CAMTA1: variants seen among roughly 807,000 people sequenced by gnomAD.
CAMTA1 encodes calmodulin binding transcription activator 1.
In CAMTA1, 27 loss-of-function variants were observed where a neutral mutation model predicts 170.9. That is an observed-to-expected ratio of 0.16 (90% CI 0.12 to 0.22). The LOEUF is 0.22. Ranked by LOEUF, CAMTA1 falls within the 10% of genes least tolerant of loss-of-function variation. The pLI is 1.00. For missense variants in CAMTA1, 1,619 were observed against 2,217.2 expected, an observed-to-expected ratio of 0.73 and a Z score of 5.42; for synonymous variants, 833 against 891.5, an observed-to-expected ratio of 0.93 and a Z score of 1.17.
chr1:7,601,631 T>C (rs995058142), intron 6 of CAMTA1, among the ~76,000 whole-genome samples: 1 of 152,210 alleles, frequency 6.6e-6, no homozygotes, highest in Admixed American at 6.5e-5. Context: ...ATCACGCCAC[T>C]GCACTCCAGC....
At chr1:7,120,795 G>T (rs1162391319) in intron 4 of CAMTA1, among the ~76,000 whole-genome samples, 3 of 152,200 alleles carry the variant, frequency 2.0e-5, no homozygotes, top group Non-Finnish European at 4.4e-5. Context: ...GGGTCAAGAG[G>T]TTTAATCGCA....
intron 6 of CAMTA1, among the ~76,000 whole-genome samples, chr1:7,488,841 C>T (rs2093659440): frequency 6.6e-6 from 1 of 152,166 alleles, no homozygotes; most frequent in East Asian, 1.9e-4. Flanking sequence ...CACATATGCA[C>T]ATGATATACA....
chr1:7,291,584 C>T (rs1043551096), intron 5 of CAMTA1, among the ~76,000 whole-genome samples: 7 of 152,246 alleles, frequency 4.6e-5, no homozygotes, highest in Admixed American at 1.3e-4. Flanking sequence ...GCTGGGAGAT[C>T]CCCTCTGGGT....
intron 9 of CAMTA1, among the ~76,000 whole-genome samples, chr1:7,667,767 A>G (rs1262255764): frequency 4.6e-5 from 7 of 151,312 alleles, no homozygotes; most frequent in African/African-American, 1.7e-4. Flanking sequence ...CTGGCAGCCC[A>G]GCAGAGGGAG....
At chr1:7,551,532 T>C (rs2094802863) in intron 6 of CAMTA1, among the ~76,000 whole-genome samples, 1 of 152,162 alleles carries the variant, frequency 6.6e-6, no homozygotes, top group Admixed American at 6.5e-5. Context: ...CAACTTCCTG[T>C]GTCCATCGGG....
chr1:6,800,761 T>C (rs1643675747), intron 1 of CAMTA1, among the ~76,000 whole-genome samples: 1 of 152,230 alleles, frequency 6.6e-6, no homozygotes, highest in Non-Finnish European at 1.5e-5. Context: ...TCATTGATCA[T>C]ATCACATCTT....
chr1:7,716,460 A>G (rs933189617), intron 11 of CAMTA1, among the ~76,000 whole-genome samples: 1 of 152,180 alleles, frequency 6.6e-6, no homozygotes, highest in Non-Finnish European at 1.5e-5. Flanking sequence ...TCATTCTACT[A>G]AGTTGGGAAG....
chr1:7,548,686 TG>T (rs1451716774), intron 6 of CAMTA1, among the ~76,000 whole-genome samples: 9 of 99,346 alleles, frequency 9.1e-5, no homozygotes, highest in South Asian at 4.8e-4. Context: ...CCATGGAAGG[TG>T]CCCCCTTAGG....
At chr1:7,182,300 G>C (rs771634078) in intron 4 of CAMTA1, among the ~76,000 whole-genome samples, 4 of 152,112 alleles carry the variant, frequency 2.6e-5, no homozygotes, top group Admixed American at 1.3e-4. Context: ...TTGCACTTTG[G>C]GGGGCCAAGG....
At chr1:7,519,698 A>G (rs925220053) in intron 6 of CAMTA1, among the ~76,000 whole-genome samples, 2 of 151,832 alleles carry the variant, frequency 1.3e-5, no homozygotes, top group South Asian at 4.1e-4. Flanking sequence ...CCCCTCCCTC[A>G]GTAGAGGTGA....
Position 7,581,683 on chromosome 1 carries a change from G to A in CAMTA1, c.511-58717G>A, listed in dbSNP as rs575360454. 1.1e-4 allele frequency among the ~76,000 whole-genome samples: 17 copies of A among 152,366 alleles called. No homozygotes were observed. The South Asian group carries it at 2.7e-3, about 24-fold the overall frequency. ...GGGCAAGTGTTCACACCTGCCACGT[G>A]TGGCCTAGGTTTCTGCTCCTCACCG... On this transcript the variant is annotated intron_variant, in intron 6 of 22. Coordinates refer to ENST00000303635, the MANE Select transcript of CAMTA1 (RefSeq NM_015215.4).
intron 11 of CAMTA1, among the ~76,000 whole-genome samples, chr1:7,719,055 TCTC>T (rs2096632611): frequency 6.6e-6 from 1 of 152,196 alleles, no homozygotes. Context: ...TTTAAGATGT[TCTC>T]CTCTTTTGTA....
rs557190135 is a variant in CAMTA1, at chr1:6,883,918, G to A, written c.234+58708G>A. ...TAAGTCTACATTACATGACCATGTA[G>A]TAAGTATAAAAATTGAGAAGTTACT... is the stretch of plus-strand genomic sequence containing the variant. On this transcript the variant is annotated intron_variant, in intron 3 of 22. Coordinates refer to ENST00000303635, the MANE Select transcript of CAMTA1 (RefSeq NM_015215.4). Among the ~76,000 whole-genome samples the A allele has an allele frequency of 6.6e-5, 10 of 152,202 alleles. 1 individual carries two copies. In the South Asian group the frequency reaches 1.5e-3, roughly 22 times the overall value.
chr1:7,018,473 TG>T, intron 3 of CAMTA1, among the ~76,000 whole-genome samples: 1 of 152,242 alleles, frequency 6.6e-6, no homozygotes, highest in African/African-American at 2.4e-5. Flanking sequence ...GGGAGATTTG[TG>T]TAGGACTCTT....
At chr1:7,079,819 T>C (rs1001301261) in intron 3 of CAMTA1, among the ~76,000 whole-genome samples, 4 of 152,114 alleles carry the variant, frequency 2.6e-5, no homozygotes, top group African/African-American at 9.7e-5. Context: ...AGACAAATTA[T>C]AGACAAAGAT....
chr1:7,157,086 G>A (rs1397274285), intron 4 of CAMTA1, among the ~76,000 whole-genome samples: 2 of 152,134 alleles, frequency 1.3e-5, no homozygotes, highest in Non-Finnish European at 2.9e-5. Flanking sequence ...ACTCACGCCT[G>A]TAATCCCAGC....
At chr1:7,528,142 T>C (rs1185266281) in intron 6 of CAMTA1, among the ~76,000 whole-genome samples, 2 of 152,202 alleles carry the variant, frequency 1.3e-5, no homozygotes, top group African/African-American at 4.8e-5. Flanking sequence ...GCTTGCTCTC[T>C]TTAGATTGAC....
chr1:7,284,099 A>G (rs1671901969), intron 5 of CAMTA1, among the ~76,000 whole-genome samples: 1 of 151,796 alleles, frequency 6.6e-6, no homozygotes, highest in African/African-American at 2.4e-5. Flanking sequence ...CCTGCCACAT[A>G]GAAATGCTGT....
intron 3 of CAMTA1, among the ~76,000 whole-genome samples, chr1:6,991,124 G>C (rs1696305742): frequency 6.6e-6 from 1 of 151,906 alleles, no homozygotes; most frequent in Admixed American, 6.6e-5. Flanking sequence ...ATGTACCATA[G>C]TTTGTTTATC....
Sources: gnomAD v4.1 joint callset for allele counts (sites outside exome capture counted in the v4.1 genomes callset) on GRCh38, gnomAD v4.1.1 for gene constraint, MANE v1.5 for transcripts, NCBI Gene and HGNC (gene_info 2026-07-23, HGNC 2026-07-21) for gene names.